RAD17: variants seen among roughly 807,000 people sequenced by gnomAD.
The protein encoded by RAD17 is cell cycle checkpoint protein RAD17.
In RAD17, 31 loss-of-function variants were observed where a neutral mutation model predicts 81.5. That is an observed-to-expected ratio of 0.38 (90% CI 0.29 to 0.51). RAD17 has a LOEUF of 0.51. Among genes scored for constraint, RAD17 ranks in the 20% least tolerant of loss-of-function variants. The pLI is 0.88. For synonymous variants in RAD17, 261 were observed against 266.2 expected (o/e 0.98, Z 0.19); for missense variants, 681 against 781.2 (o/e 0.87, Z 1.53).
chr5:69,402,419 A>G (rs1165684324), intron 17 of RAD17, among the ~76,000 whole-genome samples: 1 of 151,946 alleles, frequency 6.6e-6, no homozygotes, highest in Non-Finnish European at 1.5e-5. Flanking sequence ...TAATCCCAAC[A>G]CTTTGGGAGG....
rs374791081 is a variant in RAD17 at position 69,381,964 on chromosome 5, C to A, written c.415C>A (p.Leu139Ile). The change falls in exon 7 of 19, where the codon CTA (leucine) becomes ATA (isoleucine). Residue 139 changes from leucine to isoleucine, a missense_variant. Transcript: ENST00000354868. ...TGGAAAGACAACGACCTTAAAAATA[C>A]TATCAAAGGAGCATGGTATTCAAGT... ...GCGKTTTLKI[L>I]SKEHGIQVQE... 3 of 1,605,986 alleles carry A rather than the reference C, an allele frequency of 1.9e-6. No homozygotes were observed. The South Asian group carries it at 3.3e-5, about 18-fold the overall frequency.
At chr5:69,407,844 G>A (rs1166151017) in intron 17 of RAD17, among the ~76,000 whole-genome samples, 3 of 152,096 alleles carry the variant, frequency 2.0e-5, no homozygotes, top group African/African-American at 4.8e-5. Context: ...GAGCTACCAC[G>A]CCTGGCCTAT....
Position 69,374,083 on chromosome 5 carries a change from C to G in RAD17, c.263C>G (p.Thr88Ser), listed in dbSNP as rs770959899. Residue 88 changes from threonine to serine, a missense_variant, in exon 5 of 19, where the codon ACT (threonine) becomes AGT (serine). Physicochemically the swap from Thr to Ser is moderately conservative, Grantham distance 58. Transcript: ENST00000354868. ...TGGGTGGATAAATATAAACCAGAAA[C>G]TCAGGTACTGAAAAGCATGCAGACA... is the stretch of plus-strand genomic sequence containing the variant. ...EPWVDKYKPE[T>S]QHELAVHKKK... 4 of 1,604,744 alleles carry G rather than the reference C, an allele frequency of 2.5e-6. No homozygotes were observed. The highest frequency in any genetic ancestry group is 3.4e-6 in the Non-Finnish European group (4 of 1,176,454).
At chr5:69,380,161 G>A (rs923255184) in intron 6 of RAD17, among the ~76,000 whole-genome samples, 2 of 152,026 alleles carry the variant, frequency 1.3e-5, no homozygotes, top group Non-Finnish European at 2.9e-5. Flanking sequence ...GATTATAGGC[G>A]TGAGCCACTG....
intron 8 of RAD17, among the ~76,000 whole-genome samples, chr5:69,385,178 T>C (rs1231539586): frequency 4.0e-5 from 6 of 151,824 alleles, no homozygotes; most frequent in Admixed American, 3.9e-4. Context: ...GCCAGGATGG[T>C]CTCGATCTCC....
At chr5:69,392,810 T>C (rs1048313210) in intron 13 of RAD17, 15 of 463,416 alleles carry the variant, frequency 3.2e-5, no homozygotes, top group African/African-American at 2.8e-4. Flanking sequence ...GAGCAACATC[T>C]TCCTACATAG....
Position 69,414,776 on chromosome 5 carries a change from T to C in RAD17, c.*484T>C, listed in dbSNP as rs1223285751. On this transcript the variant is annotated 3_prime_UTR_variant, in exon 19 of 19. Transcript: ENST00000354868. ...TTTTGGAAAGTATTTACATAAGTTA[T>C]ATCACAATTAAAATGTTGAATTTAA... 6.2e-6 allele frequency: 1 copy of C among 162,452 alleles called. No homozygotes were observed. Among genetic ancestry groups the C allele is most frequent in the African/African-American group, 2.4e-5 (1 of 41,548 alleles). 10.1% of individuals were successfully genotyped at this position (162,452 alleles called of 1,614,324 possible).
At chr5:69,371,203 T>TC in intron 2 of RAD17, 32 bp downstream of exon 2, 1 of 514,260 alleles carries the variant, frequency 1.9e-6, no homozygotes, top group Non-Finnish European at 3.7e-6. Flanking sequence ...TTTTTTTGTT[T>TC]TTTTTTTTCT....
chr5:69,411,494 C>A (rs551341471), intron 18 of RAD17, among the ~76,000 whole-genome samples: 2 of 152,180 alleles, frequency 1.3e-5, no homozygotes, highest in Non-Finnish European at 2.9e-5. Context: ...ACTCCTCCTA[C>A]CTTTTCTCCT....
rs777138649 is a variant in RAD17, at chr5:69,382,034, A to G, written c.485A>G (p.Asp162Gly). Residue 162 changes from aspartate to glycine, a missense_variant, in exon 7 of 19, where the codon GAT becomes GGT. Physicochemically the swap from Asp to Gly is moderately conservative, Grantham distance 94. Transcript: ENST00000354868. ...NPVLPDFQKD[D>G]FKGMFNTESS... is the part of the protein sequence containing the mutation. ...GTTTTACCAGACTTCCAAAAAGATG[A>G]TTTCAAGGGGATGTTTAATACTGGT... 1 of 1,612,764 alleles carries G rather than the reference A, an allele frequency of 6.2e-7. No homozygotes were observed. Among genetic ancestry groups the G allele is most frequent in the Admixed American group, 1.7e-5 (1 of 59,860 alleles).
chr5:69,377,443 A>G (rs1283610041), intron 6 of RAD17, among the ~76,000 whole-genome samples: 62 of 7,250 alleles, frequency 8.6e-3, no homozygotes, highest in South Asian at 0.019. Context: ...GTGTGTGTAT[A>G]TATATATATA....
intron 17 of RAD17, 92 bp downstream of exon 17, chr5:69,400,261 A>G: frequency 1.1e-6 from 1 of 905,452 alleles, no homozygotes; most frequent in Non-Finnish European, 1.4e-6. Flanking sequence ...TCTACTGTCC[A>G]GGCTGGATTG....
chr5:69,397,571 C>G (rs887141251), intron 16 of RAD17, among the ~76,000 whole-genome samples: 1 of 151,684 alleles, frequency 6.6e-6, no homozygotes, highest in Non-Finnish European at 1.5e-5. Context: ...TGAGACCAGC[C>G]TGGTCAACAT....
chr5:69,370,694 GT>G (rs1433569137), intron 1 of RAD17: 2 of 152,548 alleles, frequency 1.3e-5, no homozygotes, highest in Non-Finnish European at 2.9e-5. Context: ...TCAAATAGGT[GT>G]TTTTTTTCCA....
At chr5:69,395,073 A>G (rs746112635) in intron 15 of RAD17, among the ~76,000 whole-genome samples, 5 of 152,224 alleles carry the variant, frequency 3.3e-5, no homozygotes, top group Admixed American at 6.5e-5. Flanking sequence ...AAATTGAAAT[A>G]GCAGTAATAA....
At chr5:69,405,043 C>T (rs146917290) in intron 17 of RAD17, among the ~76,000 whole-genome samples, 1 of 152,254 alleles carries the variant, frequency 6.6e-6, no homozygotes, top group East Asian at 1.9e-4. Flanking sequence ...CAGGGAAACA[C>T]ACTTAAAACC....
chr5:69,384,999 A>C (rs543948438), intron 8 of RAD17, 66 bp downstream of exon 8: 10 of 1,360,328 alleles, frequency 7.4e-6, no homozygotes, highest in Non-Finnish European at 9.8e-6. Context: ...TGTCACTGTC[A>C]CCCAGGCTGG....
chr5:69,373,720 T>G, intron 4 of RAD17, 110 bp from the exon 5 acceptor site: 2 of 535,818 alleles, frequency 3.7e-6, no homozygotes, highest in South Asian at 3.0e-5. Context: ...TTTTTTTAAG[T>G]TTTAAAGGTT....
At chr5:69,377,452 TATATATATATATATATATATATACAC>T (rs368792051) in intron 6 of RAD17, among the ~76,000 whole-genome samples, 25,366 of 49,802 alleles carry the variant, frequency 0.51, 5,205 homozygotes, top group East Asian at 0.58. Flanking sequence ...TATATATATA[TATATATATATATATATATATATACAC>T]ACACACACAT....
Sources: gnomAD v4.1 joint callset for allele counts (sites outside exome capture counted in the v4.1 genomes callset) on GRCh38, gnomAD v4.1.1 for gene constraint, MANE v1.5 for transcripts, NCBI Gene and HGNC (gene_info 2026-07-23, HGNC 2026-07-21) for gene names.